Variants in STAU2 observed in about 807,000 individuals in gnomAD.
STAU2 encodes the protein staufen double-stranded RNA binding protein 2.
A neutral mutation model predicts 65.9 loss-of-function variants in STAU2; 20 were observed. The observed-to-expected ratio is 0.30, with a 90% CI of 0.21 to 0.44. The LOEUF is 0.44. Ranked by LOEUF, STAU2 falls within the 20% of genes least tolerant of loss-of-function variation. The pLI is 1.00. For missense variants in STAU2, 558 were observed against 683.9 expected (o/e 0.82, Z 2.05); for synonymous variants, 232 against 233.9 (o/e 0.99, Z 0.07).
chr8:73,442,746 C>T (rs1019219583), intron 13 of STAU2, among the ~76,000 whole-genome samples: 2 of 152,180 alleles, frequency 1.3e-5, no homozygotes, highest in African/African-American at 2.4e-5. Context: ...GAATTTATTC[C>T]ATGATCAGTG....
chr8:73,566,131 A>C (rs1190622326), intron 12 of STAU2, among the ~76,000 whole-genome samples: 1 of 152,228 alleles, frequency 6.6e-6, no homozygotes, highest in Non-Finnish European at 1.5e-5. Flanking sequence ...CTGTAAGATG[A>C]ATTAGTCTTA....
At chr8:73,742,043 T>A (rs187775614) in intron 1 of STAU2, among the ~76,000 whole-genome samples, 98 of 152,338 alleles carry the variant, frequency 6.4e-4, no homozygotes, top group Non-Finnish European at 1.2e-3. Flanking sequence ...ATTTTAGATT[T>A]ACATCAATTT....
rs73330864 is a variant in STAU2, at chr8:73,619,791, A to G, written c.411-2340T>C. 3.7e-3 allele frequency among the ~76,000 whole-genome samples: 562 copies of G among 152,328 alleles called. 4 individuals carry two copies. Among genetic ancestry groups the G allele is most frequent in the African/African-American group, 0.012 (486 of 41,574 alleles). On this transcript the variant is annotated intron_variant, in intron 6 of 14. Coordinates refer to ENST00000524300, the MANE Select transcript of STAU2 (RefSeq NM_001164380.2). ...GAGATGAAAAAGGGTCAAAGTTAGA[A>G]GAAAAATTACAACACAATGTCAGGG...
At chr8:73,666,035 T>C (rs1817212670) in intron 6 of STAU2, among the ~76,000 whole-genome samples, 1 of 152,174 alleles carries the variant, frequency 6.6e-6, no homozygotes, top group South Asian at 2.1e-4. Flanking sequence ...CTTTTTTTCC[T>C]GAATATTTTC....
intron 12 of STAU2, chr8:73,561,659 T>C (rs1808242989): frequency 9.9e-6 from 4 of 405,046 alleles, no homozygotes; most frequent in East Asian, 1.4e-4. Flanking sequence ...TTCCAAACAC[T>C]GCACCACAAT....
chr8:73,487,197 T>A (rs753556965), intron 13 of STAU2, among the ~76,000 whole-genome samples: 2 of 151,962 alleles, frequency 1.3e-5, no homozygotes, highest in Non-Finnish European at 2.9e-5. Context: ...TATCTGTGGG[T>A]CAGTTAGGAA....
intron 13 of STAU2, among the ~76,000 whole-genome samples, chr8:73,548,672 A>G (rs796526167): frequency 6.6e-5 from 10 of 152,344 alleles, no homozygotes; most frequent in African/African-American, 1.9e-4. Flanking sequence ...TAAACTAATT[A>G]TAGTTTAACT....
chr8:73,443,811 G>A (rs1460743982), intron 13 of STAU2, among the ~76,000 whole-genome samples: 1 of 151,280 alleles, frequency 6.6e-6, no homozygotes, highest in Non-Finnish European at 1.5e-5. Context: ...TTGCTCCACT[G>A]TACTCCAGCC....
chr8:73,623,248 T>A (rs1813395443), intron 6 of STAU2, among the ~76,000 whole-genome samples: 1 of 152,212 alleles, frequency 6.6e-6, no homozygotes, highest in Admixed American at 6.5e-5. Context: ...TCATTTTGTA[T>A]TATCTTTCTA....
At chr8:73,450,530 A>C (rs1004906453) in intron 13 of STAU2, among the ~76,000 whole-genome samples, 11 of 152,218 alleles carry the variant, frequency 7.2e-5, no homozygotes, top group Non-Finnish European at 1.5e-4. Context: ...GACTTCAGAA[A>C]AGTTCAACTG....
chr8:73,447,873 A>C (rs914348157), intron 13 of STAU2, among the ~76,000 whole-genome samples: 6 of 152,324 alleles, frequency 3.9e-5, no homozygotes, highest in East Asian at 3.9e-4. Flanking sequence ...GAGAGGATCT[A>C]TCTTACCACC....
intron 13 of STAU2, among the ~76,000 whole-genome samples, chr8:73,473,521 C>T (rs951974976): frequency 4.6e-5 from 7 of 152,144 alleles, no homozygotes; most frequent in African/African-American, 1.4e-4. Flanking sequence ...GCACACTGGG[C>T]GTTTTTGCAG....
At chr8:73,446,898 T>C (rs1183946886) in intron 13 of STAU2, among the ~76,000 whole-genome samples, 1 of 152,228 alleles carries the variant, frequency 6.6e-6, no homozygotes, top group African/African-American at 2.4e-5. Context: ...ATAACTACTA[T>C]GAACAGTCAA....
intron 6 of STAU2, among the ~76,000 whole-genome samples, chr8:73,661,197 A>G (rs1293920305): frequency 6.6e-6 from 1 of 152,214 alleles, no homozygotes; most frequent in Non-Finnish European, 1.5e-5. Context: ...ACTTGTAACT[A>G]AACAAGCTAA....
At chr8:73,466,116 A>G (rs985376424) in intron 13 of STAU2, among the ~76,000 whole-genome samples, 3 of 152,242 alleles carry the variant, frequency 2.0e-5, no homozygotes, top group African/African-American at 7.2e-5. Context: ...GAACACAAGA[A>G]ATGCATTCTT....
intron 13 of STAU2, chr8:73,551,388 C>T (rs535623795): frequency 1.0e-6 from 1 of 986,994 alleles, no homozygotes; most frequent in Admixed American, 6.1e-5. Flanking sequence ...GAGGCAGGTG[C>T]TACCCTCCCT....
chr8:73,586,475 T>C (rs1387234086), intron 11 of STAU2, among the ~76,000 whole-genome samples: 7 of 151,980 alleles, frequency 4.6e-5, no homozygotes, highest in Non-Finnish European at 7.4e-5. Flanking sequence ...CAGGCATAGT[T>C]GAGGGTGAAA....
chr8:73,551,204 C>T (rs746950264), intron 13 of STAU2: 24 of 987,402 alleles, frequency 2.4e-5, no homozygotes, highest in Non-Finnish European at 2.8e-5. Context: ...CTTTCAAAAG[C>T]TCCAATGTAT....
At chr8:73,512,370 C>A (rs1339065247) in intron 13 of STAU2, among the ~76,000 whole-genome samples, 1 of 152,138 alleles carries the variant, frequency 6.6e-6, no homozygotes, top group Non-Finnish European at 1.5e-5. Context: ...AAAGGTTCAT[C>A]TAATCCATGA....
Sources: allele counts gnomAD v4.1 joint callset (sites outside exome capture counted in the v4.1 genomes callset), GRCh38; gene constraint gnomAD v4.1.1; transcripts MANE v1.5; gene names NCBI Gene and HGNC (gene_info 2026-07-23, HGNC 2026-07-21).